Variants in BMS1 observed in about 807,000 individuals in gnomAD.
BMS1 encodes BMS1 ribosome biogenesis factor, also known as ribosome biogenesis protein BMS1 homolog.
Under a neutral mutation model 138.7 loss-of-function variants are expected in BMS1, and 53 were observed. That is an observed-to-expected ratio of 0.38 (90% CI 0.31 to 0.48). BMS1 has a LOEUF of 0.48. Among genes scored for constraint, BMS1 ranks in the 20% least tolerant of loss-of-function variants. The probability of loss-of-function intolerance (pLI) is 0.97; values close to 1 mark genes in which losing one functional copy is unlikely to be tolerated. For synonymous variants in BMS1, 504 were observed against 539.9 expected, an observed-to-expected ratio of 0.93 and a Z score of 0.92; for missense variants, 1,360 against 1,565.5, an observed-to-expected ratio of 0.87 and a Z score of 2.22.
At chr10:42,804,768 CA>C (rs906992339) in intron 13 of BMS1, among the ~76,000 whole-genome samples, 1 of 151,558 alleles carries the variant, frequency 6.6e-6, no homozygotes, top group African/African-American at 2.4e-5. Context: ...CTCTGTCTCC[CA>C]GAGTGCGATG....
chr10:42,783,400 T>C (rs1841221528), intron 1 of BMS1, among the ~76,000 whole-genome samples: 3 of 152,212 alleles, frequency 2.0e-5, no homozygotes, highest in Admixed American at 6.5e-5. Flanking sequence ...GTCGCCCTTA[T>C]TGCGTGGCGC....
At chr10:42,828,186 T>G (rs1842707450) in intron 21 of BMS1, among the ~76,000 whole-genome samples, 1 of 152,252 alleles carries the variant, frequency 6.6e-6, no homozygotes, top group African/African-American at 2.4e-5. Context: ...GTAGATTTGT[T>G]CTGCCTGGTT....
At position 42,834,414 on chromosome 10, in the gene BMS1, A is replaced by G. The variant is rs1257225222; in HGVS notation, c.*3318A>G. 6.6e-6 allele frequency: 1 copy of G among 151,640 alleles called. No individual in the cohort carries two copies. The highest frequency in any genetic ancestry group is 2.4e-5 in the African/African-American group (1 of 41,248). The allele number at this position is 151,640 out of a possible 1,614,324, so 9.4% of individuals were successfully genotyped here. A position where few individuals can be genotyped will look rare whatever the true frequency, so the allele number is the denominator to read the frequency against. ...CTGATGGGAAAAAGAGCATCGATTT[A>G]ATTGCCCTTGGTACCGACTTCTAGT... is the stretch of plus-strand genomic sequence containing the variant. On this transcript the variant is annotated 3_prime_UTR_variant, in exon 23 of 23. Transcript: ENST00000374518.
At chr10:42,791,069 T>C (rs1841491284) in intron 5 of BMS1, among the ~76,000 whole-genome samples, 1 of 152,146 alleles carries the variant, frequency 6.6e-6, no homozygotes, top group African/African-American at 2.4e-5. Flanking sequence ...GCTGAATTCC[T>C]TTGTGTGTGT....
rs1842837475 is a variant in BMS1, at chr10:42,833,849, T to A, written c.*2753T>A. ...GTTGCAAAAACAAATTCCACCAGAA[T>A]GTGAGTTCCATGAGAGCAGGAACTG... On this transcript the variant is annotated 3_prime_UTR_variant, in exon 23 of 23. Coordinates refer to ENST00000374518, the MANE Select transcript of BMS1 (RefSeq NM_014753.4). 1 of 152,198 alleles carries A rather than the reference T, an allele frequency of 6.6e-6. No homozygotes were observed. The highest frequency in any genetic ancestry group is 1.5e-5 in the Non-Finnish European group (1 of 68,046). 9.4% of individuals were successfully genotyped at this position (152,198 alleles called of 1,614,324 possible). A position where few individuals can be genotyped will look rare whatever the true frequency, so the allele number is the denominator to read the frequency against.
At chr10:42,817,551 T>C in intron 15 of BMS1, 57 bp downstream of exon 15, 1 of 1,523,324 alleles carries the variant, frequency 6.6e-7, no homozygotes, top group East Asian at 2.3e-5. Flanking sequence ...AGCGCAGGAA[T>C]CCCTGACTTT....
rs1841769023 is a variant in BMS1 at position 42,798,561 on chromosome 10, A to G, written c.2183A>G (p.Lys728Arg). 1 of 1,614,142 alleles carries G rather than the reference A, an allele frequency of 6.2e-7. No individual in the cohort carries two copies. Among genetic ancestry groups the G allele is most frequent in the Non-Finnish European group, 8.5e-7 (1 of 1,180,056 alleles). ...CAGCCTGACAGAGAGTGTAAGCACA[A>G]GGCTGACTCTTTGGACTGCTCCAGA... Reference protein sequence around the residue: ...VNQPDRECKHKADSLDCSRFL... With the variant: ...VNQPDRECKHRADSLDCSRFL... The change falls in exon 12 of 23, where the codon AAG (lysine) becomes AGG (arginine). Residue 728 changes from lysine (K) to arginine (R), a missense_variant. Lys to Arg is a conservative substitution (Grantham distance 26). Around this residue, in one of 3 missense-constraint regions of BMS1, gnomAD observed 697 missense variants for 686.2 expected, o/e 1.02. Coordinates refer to ENST00000374518, the MANE Select transcript of BMS1 (RefSeq NM_014753.4).
intron 20 of BMS1, 84 bp from the exon 21 acceptor site, chr10:42,823,525 G>A: frequency 7.5e-7 from 1 of 1,342,064 alleles, no homozygotes; most frequent in Non-Finnish European, 9.9e-7. Flanking sequence ...GAAGTTTGGA[G>A]TGAAGGTTTT....
chr10:42,790,411 T>G lies in BMS1; in HGVS notation c.536T>G (p.Ile179Ser), dbSNP rs142392591. ...TGTCAAGTACATGGCTTTCCTAAAATTATGGGAGTTCTCACCCACCTCGAC... is the reference window on the plus strand; with the variant it reads ...TGTCAAGTACATGGCTTTCCTAAAAGTATGGGAGTTCTCACCCACCTCGAC... ...NICQVHGFPK[I>S]MGVLTHLDSF... Residue 179 changes from isoleucine to serine, a missense_variant, in exon 5 of 23, where the codon ATT (isoleucine) becomes AGT (serine). By Grantham distance (142) the Ile-to-Ser change is moderately radical (BLOSUM62 -2). This residue lies in a region of BMS1 where 238 missense variants were observed against 311.1 expected (regional missense o/e 0.77). Transcript: ENST00000374518. 7.4e-6 allele frequency: 12 copies of G among 1,613,870 alleles called. No individual in the cohort carries two copies. Among genetic ancestry groups the G allele is most frequent in the Non-Finnish European group, 1.0e-5 (12 of 1,179,830 alleles).
At chr10:42,815,904 T>C (rs181992658) in intron 13 of BMS1, among the ~76,000 whole-genome samples, 2 of 152,386 alleles carry the variant, frequency 1.3e-5, no homozygotes, top group East Asian at 1.9e-4. Context: ...TGAACTTACA[T>C]TGAGACTCCT....
At chr10:42,787,120 T>A (rs972624226) in intron 3 of BMS1, 48 bp from the exon 4 acceptor site, 1 of 770,644 alleles carries the variant, frequency 1.3e-6, no homozygotes, top group Non-Finnish European at 2.2e-6. Context: ...ATGGTTAGAG[T>A]TTTTTCAGGG....
At position 42,784,587 on chromosome 10, in the gene BMS1, T is replaced by C; in HGVS notation, c.176+17T>C. The C allele has an allele frequency of 6.4e-7, 1 of 1,570,390 alleles. No individual in the cohort carries two copies. Among genetic ancestry groups the C allele is most frequent in the Non-Finnish European group, 8.6e-7 (1 of 1,165,364 alleles). ...CTTTCACAGGTATGTTAGGCTACGG[T>C]CTGGTCATTCTTCCATTGATTCTTT... On this transcript the variant is annotated intron_variant, in intron 2 of 22. Transcript: ENST00000374518.
intron 13 of BMS1, among the ~76,000 whole-genome samples, chr10:42,813,023 C>G (rs1190117574): frequency 6.6e-6 from 1 of 152,154 alleles, no homozygotes; most frequent in East Asian, 1.9e-4. Context: ...AATTTTAGAT[C>G]TTAAAATTCA....
intron 15 of BMS1, among the ~76,000 whole-genome samples, chr10:42,818,734 C>T (rs1842420102): frequency 6.6e-6 from 1 of 152,128 alleles, no homozygotes; most frequent in Non-Finnish European, 1.5e-5. Flanking sequence ...TGTAGATGCC[C>T]TCAGCATGTA....
intron 13 of BMS1, among the ~76,000 whole-genome samples, chr10:42,815,655 G>A (rs769528081): frequency 8.5e-5 from 13 of 152,062 alleles, no homozygotes; most frequent in South Asian, 2.1e-4. Flanking sequence ...TCTGCCTCCC[G>A]GGCCCCCAAA....
chr10:42,798,859 C>G (rs1355138964), intron 12 of BMS1, among the ~76,000 whole-genome samples: 9 of 152,180 alleles, frequency 5.9e-5, no homozygotes, highest in Admixed American at 5.9e-4. Flanking sequence ...TCAGTGTGGA[C>G]AGTAGTGTGC....
At chr10:42,826,829 C>G (rs1842660809) in intron 21 of BMS1, among the ~76,000 whole-genome samples, 1 of 152,108 alleles carries the variant, frequency 6.6e-6, no homozygotes, top group South Asian at 2.1e-4. Context: ...CTCAGACTGG[C>G]CAAGGCACTG....
At position 42,784,585 on chromosome 10, in the gene BMS1, G is replaced by C. The variant is rs552489079; in HGVS notation, c.176+15G>C. The C allele has an allele frequency of 4.4e-6, 7 of 1,582,440 alleles. No homozygotes were observed. The highest frequency in any genetic ancestry group is 6.0e-6 in the Non-Finnish European group (7 of 1,169,168). On this transcript the variant is annotated intron_variant, in intron 2 of 22. Coordinates refer to ENST00000374518, the MANE Select transcript of BMS1 (RefSeq NM_014753.4). ...TCCTTTCACAGGTATGTTAGGCTAC[G>C]GTCTGGTCATTCTTCCATTGATTCT...
chr10:42,812,758 A>C (rs1419422012), intron 13 of BMS1, among the ~76,000 whole-genome samples: 3 of 152,236 alleles, frequency 2.0e-5, no homozygotes, highest in South Asian at 2.1e-4. Flanking sequence ...CTTGGTAGTA[A>C]CAAGAGCACA....
Sources: gnomAD v4.1 joint callset for allele counts (sites outside exome capture counted in the v4.1 genomes callset) on GRCh38, gnomAD v4.1.1 for gene constraint, gnomAD v4.1.1 regional missense constraint, MANE v1.5 for transcripts, NCBI Gene and HGNC (gene_info 2026-07-23, HGNC 2026-07-21) for gene names.